GULP1: variants seen among roughly 807,000 people sequenced by gnomAD.
GULP1 encodes the protein PTB domain-containing engulfment adapter protein 1.
In GULP1, 19 loss-of-function variants were observed where a neutral mutation model predicts 40.9. The observed-to-expected ratio is 0.46, with a 90% CI of 0.32 to 0.68. GULP1 has a LOEUF of 0.68. GULP1 is among the 30% of genes least tolerant of loss of function. GULP1 has a pLI of 0.03. For missense variants in GULP1, 312 were observed against 362.2 expected (o/e 0.86, Z 1.12); for synonymous variants, 119 against 117.6 (o/e 1.01, Z -0.08).
At chr2:188,309,732 C>G (rs1217250885) in intron 1 of GULP1, among the ~76,000 whole-genome samples, 1 of 152,132 alleles carries the variant, frequency 6.6e-6, no homozygotes, top group East Asian at 1.9e-4. Context: ...AGTGATCAAT[C>G]TTGTGGAATA....
chr2:188,571,195 C>T (rs1231467168), intron 9 of GULP1, among the ~76,000 whole-genome samples: 1 of 151,962 alleles, frequency 6.6e-6, no homozygotes, highest in Non-Finnish European at 1.5e-5. Context: ...TAAACATGAA[C>T]TGAAAAAAGA....
intron 4 of GULP1, among the ~76,000 whole-genome samples, chr2:188,510,839 G>C (rs550656131): frequency 6.6e-6 from 1 of 150,838 alleles, no homozygotes; most frequent in African/African-American, 2.4e-5. Context: ...AAAAACTTGC[G>C]TATGTGTTGG....
intron 9 of GULP1, among the ~76,000 whole-genome samples, chr2:188,577,539 T>A (rs1444726773): frequency 6.6e-6 from 1 of 152,094 alleles, no homozygotes; most frequent in Non-Finnish European, 1.5e-5. Flanking sequence ...TCTAAAAGCA[T>A]AAACCCTGTC....
Position 188,483,485 on chromosome 2 carries a change from A to C in GULP1, c.83A>C (p.Asn28Thr). 1 of 1,390,062 alleles carries C rather than the reference A, an allele frequency of 7.2e-7. No individual in the cohort carries two copies. Among genetic ancestry groups the C allele is most frequent in the Non-Finnish European group, 1.0e-6 (1 of 987,746 alleles). The allele number at this position is 1,390,062 out of a possible 1,614,324, so 86.1% of individuals were successfully genotyped here. Residue 28 changes from asparagine to threonine, a missense_variant, in exon 4 of 12, where the codon AAT (asparagine) becomes ACT (threonine). Asn to Thr is a moderately conservative substitution (Grantham distance 65). Coordinates refer to ENST00000409830, the MANE Select transcript of GULP1 (RefSeq NM_016315.4). Reference protein sequence around the residue: ...EALSKHFIPYNAKFLGSTEVE... With the variant: ...EALSKHFIPYTAKFLGSTEVE... ...TTATCAAAACATTTCATTCCCTATAATGCAAAGGTAAAAATAGTTCATTTA... is the reference window on the plus strand; with the variant it reads ...TTATCAAAACATTTCATTCCCTATACTGCAAAGGTAAAAATAGTTCATTTA...
chr2:188,408,835 G>A (rs1169404461), intron 2 of GULP1, among the ~76,000 whole-genome samples: 1 of 152,042 alleles, frequency 6.6e-6, no homozygotes, highest in African/African-American at 2.4e-5. Flanking sequence ...CATTCACAGT[G>A]GTGTAAAACT....
chr2:188,362,149 G>C (rs1471671664), intron 1 of GULP1, among the ~76,000 whole-genome samples: 7 of 152,026 alleles, frequency 4.6e-5, no homozygotes, highest in South Asian at 2.1e-4. Flanking sequence ...TGGTGAAACT[G>C]TGTCTATCTC....
intron 2 of GULP1, among the ~76,000 whole-genome samples, chr2:188,415,057 C>A (rs897896165): frequency 3.9e-5 from 6 of 152,078 alleles, no homozygotes; most frequent in Admixed American, 3.9e-4. Context: ...TGATTTATAG[C>A]AGTATTTAAG....
chr2:188,392,390 G>A (rs2050648434), intron 2 of GULP1, among the ~76,000 whole-genome samples: 1 of 152,010 alleles, frequency 6.6e-6, no homozygotes, highest in Non-Finnish European at 1.5e-5. Context: ...TGTGTGCATA[G>A]AGGTGTTCAT....
chr2:188,398,212 CG>C (rs35360218), intron 2 of GULP1, among the ~76,000 whole-genome samples: 8 of 152,242 alleles, frequency 5.3e-5, no homozygotes, highest in Non-Finnish European at 2.9e-5. Flanking sequence ...TACTACAGCC[CG>C]GGGAGAAAGT....
chr2:188,535,692 G>A (rs544120122), intron 6 of GULP1, among the ~76,000 whole-genome samples: 76 of 152,120 alleles, frequency 5.0e-4, no homozygotes, highest in Non-Finnish European at 6.9e-4. Flanking sequence ...TCTTTTTATG[G>A]ATATATGTCA....
At chr2:188,470,359 G>T (rs947613867) in intron 2 of GULP1, among the ~76,000 whole-genome samples, 33 of 152,084 alleles carry the variant, frequency 2.2e-4, no homozygotes, top group Non-Finnish European at 8.8e-5. Context: ...GCTCATAGTA[G>T]CCACTAATGA....
At chr2:188,529,246 T>C in intron 6 of GULP1, 51 bp downstream of exon 6, 1 of 852,398 alleles carries the variant, frequency 1.2e-6, no homozygotes, top group East Asian at 2.5e-5. Flanking sequence ...ATTGCAATTA[T>C]ATTCCTACTT....
Position 188,569,245 on chromosome 2 carries a change from GA to G in GULP1, c.407del (p.Glu136GlyfsTer4). On this transcript the variant is annotated frameshift_variant, in exon 8 of 12. Coordinates refer to ENST00000409830, the MANE Select transcript of GULP1 (RefSeq NM_016315.4). LOFTEE classifies it high-confidence loss of function. The stretch of plus-strand genomic sequence containing the variant: ...TTGTTTGATTTTTACACAGGCTGAA[GA>G]GATCACTTTAACAATTGGCCAAGCA... Reference protein sequence around the residue: ...YVFDSEKCAEEITLTIGQAFD... With the variant: ...YVFDSEKCAEXITLTIGQAFD... The G allele has an allele frequency of 6.7e-7, 1 of 1,492,788 alleles. No homozygotes were observed. The highest frequency in any genetic ancestry group is 9.4e-7 in the Non-Finnish European group (1 of 1,069,260). 92.5% of individuals were successfully genotyped at this position (1,492,788 alleles called of 1,614,324 possible).
At chr2:188,555,724 T>A (rs1694576047) in intron 7 of GULP1, among the ~76,000 whole-genome samples, 1 of 152,102 alleles carries the variant, frequency 6.6e-6, no homozygotes, top group Non-Finnish European at 1.5e-5. Context: ...GGATCATTGA[T>A]CTTTCAGTAA....
chr2:188,314,551 T>C (rs1278626523), intron 1 of GULP1, among the ~76,000 whole-genome samples: 1 of 152,180 alleles, frequency 6.6e-6, no homozygotes, highest in Non-Finnish European at 1.5e-5. Flanking sequence ...TCTCCATAAC[T>C]TGTGCTTTTA....
Position 188,406,426 on chromosome 2 carries a change from G to T in GULP1, c.-45+22537G>T, listed in dbSNP as rs139595156. ...CAACACATGACTGTAATTGTTTTAGGAAAGCTCAGTGAAGTTGAAGAAAAA... is the reference window on the plus strand; with the variant it reads ...CAACACATGACTGTAATTGTTTTAGTAAAGCTCAGTGAAGTTGAAGAAAAA... On this transcript the variant is annotated intron_variant, in intron 2 of 11. Coordinates refer to ENST00000409830, the MANE Select transcript of GULP1 (RefSeq NM_016315.4). 5.3e-5 allele frequency among the ~76,000 whole-genome samples: 8 copies of T among 152,056 alleles called. No individual in the cohort carries two copies. In the East Asian group the frequency reaches 1.6e-3, roughly 29 times the overall value.
At chr2:188,405,021 G>A (rs535563691) in intron 2 of GULP1, among the ~76,000 whole-genome samples, 20 of 152,222 alleles carry the variant, frequency 1.3e-4, no homozygotes, top group Admixed American at 7.2e-4. Context: ...CTCAGCCAGG[G>A]TCTGGGACTG....
At chr2:188,522,388 C>T (rs986400647) in intron 4 of GULP1, among the ~76,000 whole-genome samples, 11 of 151,992 alleles carry the variant, frequency 7.2e-5, no homozygotes, top group African/African-American at 2.4e-4. Flanking sequence ...AATACAATTA[C>T]ATGCTTTGAA....
chr2:188,410,418 G>A (rs551770756), intron 2 of GULP1, among the ~76,000 whole-genome samples: 9 of 152,244 alleles, frequency 5.9e-5, no homozygotes, highest in Non-Finnish European at 1.0e-4. Context: ...CCTATGGAAC[G>A]GGAGAATGTA....
Sources: allele counts gnomAD v4.1 joint callset (sites outside exome capture counted in the v4.1 genomes callset), GRCh38; gene constraint gnomAD v4.1.1; transcripts MANE v1.5; gene names NCBI Gene and HGNC (gene_info 2026-07-23, HGNC 2026-07-21).